Variants in TRAPPC6A observed in about 807,000 individuals in gnomAD.
TRAPPC6A encodes TRAPP complex subunit 6A.
Under a neutral mutation model 20.8 loss-of-function variants are expected in TRAPPC6A, and 25 were observed. The observed-to-expected ratio is 1.20, with a 90% CI of 0.88 to 1.68. TRAPPC6A has a LOEUF of 1.68. TRAPPC6A is among the 40% of genes most tolerant of loss of function. The pLI is 0.00. For missense variants in TRAPPC6A, 215 were observed against 211.6 expected, an observed-to-expected ratio of 1.02 and a Z score of -0.10; for synonymous variants, 96 against 93.3, an observed-to-expected ratio of 1.03 and a Z score of -0.16.
chr19:45,169,678 G>C (rs563567458), intron 1 of TRAPPC6A, among the ~76,000 whole-genome samples: 3 of 152,216 alleles, frequency 2.0e-5, no homozygotes, highest in Non-Finnish European at 4.4e-5. Flanking sequence ...TGTTCTGTGG[G>C]CTCCTGTAGC....
intron 1 of TRAPPC6A, among the ~76,000 whole-genome samples, chr19:45,166,983 C>A (rs938898460): frequency 6.6e-6 from 1 of 152,180 alleles, no homozygotes; most frequent in African/African-American, 2.4e-5. Flanking sequence ...CTCTCCTCTG[C>A]CCCCTGAGGA....
chr19:45,172,844 C>G lies in TRAPPC6A; in HGVS notation c.84+5291G>C, dbSNP rs1409671873. 6.6e-6 allele frequency among the ~76,000 whole-genome samples: 1 copy of G among 151,720 alleles called. No homozygotes were observed. Among genetic ancestry groups the G allele is most frequent in the Non-Finnish European group, 1.5e-5 (1 of 68,038 alleles). Reference sequence around the variant, plus strand: ...GACATTTCTAGAATGTAAATCTGAGCCAGGCGCACCTCAGTTTAAACCCGG... The same window carrying G: ...GACATTTCTAGAATGTAAATCTGAGGCAGGCGCACCTCAGTTTAAACCCGG... On this transcript the variant is annotated intron_variant, in intron 1 of 5. Transcript: ENST00000585934. The surrounding 1 kb of genome is among the most constrained non-coding windows in gnomAD (Gnocchi z 4.2).
chr19:45,174,373 G>C (rs1418135880), intron 1 of TRAPPC6A, among the ~76,000 whole-genome samples: 1 of 152,066 alleles, frequency 6.6e-6, no homozygotes, highest in Non-Finnish European at 1.5e-5. Context: ...CACGGCACAG[G>C]CTCTGCATTC....
chr19:45,164,184 A>G lies in TRAPPC6A; in HGVS notation c.334T>C (p.Tyr112His). ...LLLPMASGLQ[Y>H]LEEAPKFLAF... is the part of the protein sequence containing the mutation. The stretch of plus-strand genomic sequence containing the variant: ...CATACCTTGGGTGCTTCCTCCAGAT[A>G]CTGCAGGCCAGAGGCCATCGGGAGG... Residue 112 changes from tyrosine (Y) to histidine (H), a missense_variant, in exon 4 of 6, where the codon TAT becomes CAT. Physicochemically the swap from Tyr to His is moderately conservative, Grantham distance 83. Coordinates refer to ENST00000585934, the MANE Select transcript of TRAPPC6A (RefSeq NM_001270891.2). The G allele has an allele frequency of 1.2e-6, 2 of 1,609,846 alleles. No homozygotes were observed. The highest frequency in any genetic ancestry group is 1.7e-6 in the Non-Finnish European group (2 of 1,178,250).
chr19:45,168,553 G>A (rs1422194884), intron 1 of TRAPPC6A, among the ~76,000 whole-genome samples: 3 of 152,198 alleles, frequency 2.0e-5, no homozygotes, highest in African/African-American at 7.2e-5. Flanking sequence ...AGAGCCCAGA[G>A]GAACTTGCAC....
chr19:45,171,731 A>G (rs1246927061), intron 1 of TRAPPC6A, among the ~76,000 whole-genome samples: 1 of 152,232 alleles, frequency 6.6e-6, no homozygotes, highest in Non-Finnish European at 1.5e-5. Flanking sequence ...TGGTGCCTAC[A>G]GGACATACAG....
rs1203190294 is a variant in TRAPPC6A, at chr19:45,163,476, G to A, written c.449-253C>T. On this transcript the variant is annotated intron_variant, in intron 5 of 5. Transcript: ENST00000585934. This position sits in a 1 kb window ranked among gnomAD's most constrained non-coding sequence, Gnocchi z 5.3. ...CATTGCTCGGTCCTACCCCACGGGG[G>A]CCCCGGGGGCCCCCATGAGTGGGCC... 6.6e-6 allele frequency among the ~76,000 whole-genome samples: 1 copy of A among 152,060 alleles called. No homozygotes were observed. The highest frequency in any genetic ancestry group is 1.5e-5 in the Non-Finnish European group (1 of 67,984).
At position 45,163,866 on chromosome 19, in the gene TRAPPC6A, C is replaced by T; in HGVS notation, c.448+50G>A. ...AGGAGTGGGGCTGGAACTCTGAAGC[C>T]CCCAGCAACTCAAGGGATGAGAAGA... On this transcript the variant is annotated intron_variant, in intron 5 of 5. Coordinates refer to ENST00000585934, the MANE Select transcript of TRAPPC6A (RefSeq NM_001270891.2). The surrounding 1 kb of genome is among the most constrained non-coding windows in gnomAD (Gnocchi z 5.3). The T allele has an allele frequency of 6.7e-7, 1 of 1,484,644 alleles. No homozygotes were observed. Among genetic ancestry groups the T allele is most frequent in the Non-Finnish European group, 9.2e-7 (1 of 1,088,148 alleles). 92.0% of individuals were successfully genotyped at this position (1,484,644 alleles called of 1,614,324 possible).
chr19:45,169,789 G>T (rs1308168705), intron 1 of TRAPPC6A, among the ~76,000 whole-genome samples: 2 of 152,230 alleles, frequency 1.3e-5, no homozygotes, highest in African/African-American at 4.8e-5. Flanking sequence ...GGCCCAGGCT[G>T]CACTCTGAGG....
At position 45,178,103 on chromosome 19, in the gene TRAPPC6A, C is replaced by T. The variant is rs772082934; in HGVS notation, c.84+32G>A. 5 of 1,612,542 alleles carry T rather than the reference C, an allele frequency of 3.1e-6. No individual in the cohort carries two copies. In the African/African-American group the frequency reaches 6.7e-5, roughly 22 times the overall value. On this transcript the variant is annotated intron_variant, in intron 1 of 5. Coordinates refer to ENST00000585934, the MANE Select transcript of TRAPPC6A (RefSeq NM_001270891.2). ...TCCCAGAGGCGTTACCTTGGTGGCC[C>T]CCGCTTCCTCCCCACGGAGCCCGGC...
chr19:45,163,771 G>A lies in TRAPPC6A; in HGVS notation c.448+145C>T. On this transcript the variant is annotated intron_variant, in intron 5 of 5. Coordinates refer to ENST00000585934, the MANE Select transcript of TRAPPC6A (RefSeq NM_001270891.2). This position sits in a 1 kb window ranked among gnomAD's most constrained non-coding sequence, Gnocchi z 5.3. ...GCGACGTCACGGAGCCAGGGGCACA[G>A]ATGGGCCTGCACCAGCCGTGTGGCT... 1 of 702,842 alleles carries A rather than the reference G, an allele frequency of 1.4e-6. No homozygotes were observed. Among genetic ancestry groups the A allele is most frequent in the South Asian group, 1.9e-5 (1 of 52,966 alleles). 43.5% of individuals were successfully genotyped at this position (702,842 alleles called of 1,614,324 possible).
chr19:45,167,993 CTTTTTTTTTTTT>C (rs968943946), intron 1 of TRAPPC6A, among the ~76,000 whole-genome samples: 3 of 99,972 alleles, frequency 3.0e-5, no homozygotes, highest in Admixed American at 1.1e-4. Flanking sequence ...AAGACCCTGT[CTTTTTTTTTTTT>C]TTTTTTTTTT....
In TRAPPC6A at chr19:45,163,749, ACGT is replaced by A. The variant is rs1223166329; in HGVS notation, c.448+164_448+166del. Among the ~76,000 whole-genome samples, 3 of 152,088 alleles carry A rather than the reference ACGT, an allele frequency of 2.0e-5. No homozygotes were observed. The highest frequency in any genetic ancestry group is 7.2e-5 in the African/African-American group (3 of 41,414). On this transcript the variant is annotated intron_variant, in intron 5 of 5. Transcript: ENST00000585934. The surrounding 1 kb of genome is among the most constrained non-coding windows in gnomAD (Gnocchi z 5.3). ...GACAGTTCTCTCTGCAGGGCTGGCG[ACGT>A]CACGGAGCCAGGGGCACAGATGGGC...
At chr19:45,165,998 G>A (rs542148694) in intron 1 of TRAPPC6A, among the ~76,000 whole-genome samples, 8 of 152,064 alleles carry the variant, frequency 5.3e-5, no homozygotes, top group African/African-American at 1.7e-4. Context: ...TGCAACCTCC[G>A]CCTCCCGGGT....
intron 1 of TRAPPC6A, among the ~76,000 whole-genome samples, chr19:45,174,006 G>C (rs1235223760): frequency 1.3e-5 from 2 of 152,186 alleles, no homozygotes; most frequent in African/African-American, 2.4e-5. Flanking sequence ...GAGCAGAGCT[G>C]AGTAAGCCAG....
chr19:45,163,004 CCTGACCGCA>C lies in TRAPPC6A; in HGVS notation c.*179_*187del. 2 of 584,872 alleles carry C rather than the reference CCTGACCGCA, an allele frequency of 3.4e-6. No homozygotes were observed. The highest frequency in any genetic ancestry group is 3.3e-5 in the Admixed American group (1 of 30,750). The allele number at this position is 584,872 out of a possible 1,614,324, so 36.2% of individuals were successfully genotyped here. On this transcript the variant is annotated 3_prime_UTR_variant, in exon 6 of 6. Transcript: ENST00000585934. This position sits in a 1 kb window ranked among gnomAD's most constrained non-coding sequence, Gnocchi z 5.3. Reference sequence around the variant, plus strand: ...GCCGAGGCGGGAATCCCACCACAGTCCTGACCGCAGCTGGGACCCCTTTGCCTCCTCTGA... The same window carrying C: ...GCCGAGGCGGGAATCCCACCACAGTCGCTGGGACCCCTTTGCCTCCTCTGA...
At chr19:45,164,284 C>A in intron 3 of TRAPPC6A, 37 bp from the exon 4 acceptor site, 1 of 1,436,508 alleles carries the variant, frequency 7.0e-7, no homozygotes, top group Non-Finnish European at 9.5e-7. Flanking sequence ...GGGGTCGGGG[C>A]CTGTACATTT....
In TRAPPC6A at chr19:45,163,110, C is replaced by T; in HGVS notation, c.*82G>A. 1.9e-6 allele frequency: 3 copies of T among 1,556,124 alleles called. No individual in the cohort carries two copies. Among genetic ancestry groups the T allele is most frequent in the Admixed American group, 3.5e-5 (2 of 57,842 alleles). On this transcript the variant is annotated 3_prime_UTR_variant, in exon 6 of 6. Coordinates refer to ENST00000585934, the MANE Select transcript of TRAPPC6A (RefSeq NM_001270891.2). This position sits in a 1 kb window ranked among gnomAD's most constrained non-coding sequence, Gnocchi z 5.3. The stretch of plus-strand genomic sequence containing the variant: ...CTAGGGCCTGGGATTCCCAAGACCA[C>T]CCCGAAATGCAGCGGCCCCACCGTC...
intron 1 of TRAPPC6A, among the ~76,000 whole-genome samples, chr19:45,171,299 C>CTCAAAACAAAACAAAACAAAACAAA (rs1555749991): frequency 1.3e-5 from 2 of 149,836 alleles, no homozygotes; most frequent in African/African-American, 4.9e-5. Context: ...GAGACTCAGT[C>CTCAAAACAAAACAAAACAAAACAAA]ACAAAACAAA....
Sources: allele counts gnomAD v4.1 joint callset (sites outside exome capture counted in the v4.1 genomes callset), GRCh38; gene constraint gnomAD v4.1.1; non-coding constraint Gnocchi (gnomAD v3.1); transcripts MANE v1.5; gene names NCBI Gene and HGNC (gene_info 2026-07-23, HGNC 2026-07-21).